ANOS1: variants seen among roughly 807,000 people sequenced by gnomAD.
ANOS1 encodes the protein anosmin 1, also known as anosmin-1.
Under a neutral mutation model 59.0 loss-of-function variants are expected in ANOS1, and 6 were observed. The observed-to-expected ratio is 0.10, with a 90% CI of 0.06 to 0.20. The LOEUF is 0.20. ANOS1 is among the 10% of genes least tolerant of loss of function. The pLI is 1.00. For missense variants in ANOS1, 433 were observed against 542.3 expected (o/e 0.80, Z 2.00); for synonymous variants, 217 against 223.4 (o/e 0.97, Z 0.25).
At chrX:8,657,660 G>A (rs1344156411) in intron 2 of ANOS1, among the ~76,000 whole-genome samples, 1 of 109,471 alleles carries the variant, frequency 9.1e-6, no homozygotes, top group African/African-American at 3.3e-5. Context: ...GTAGAGATGG[G>A]GTTTTACCAT....
intron 1 of ANOS1, among the ~76,000 whole-genome samples, chrX:8,707,822 T>C (rs959883949): frequency 8.9e-6 from 1 of 112,269 alleles, no homozygotes; most frequent in Non-Finnish European, 1.9e-5. Context: ...GCATTATAAC[T>C]TTGATATACT....
At chrX:8,574,431 T>G (rs1443098763) in intron 6 of ANOS1, among the ~76,000 whole-genome samples, 1 of 109,031 alleles carries the variant, frequency 9.2e-6, no homozygotes, top group Admixed American at 9.8e-5. Context: ...GTGTTGATCT[T>G]GGGTATGTCT....
intron 2 of ANOS1, among the ~76,000 whole-genome samples, chrX:8,629,695 C>T (rs76380902): frequency 0.1 from 11,214 of 111,537 alleles, 790 homozygotes; most frequent in South Asian, 0.24. Flanking sequence ...TGAATCACCA[C>T]CTGGCCAGTT....
At chrX:8,615,776 T>C (rs1435930274) in intron 3 of ANOS1, among the ~76,000 whole-genome samples, 1 of 110,893 alleles carries the variant, frequency 9.0e-6, no homozygotes, top group East Asian at 2.9e-4. Context: ...CATGTATCCA[T>C]GAATTCTCAT....
chrX:8,612,094 AC>A (rs1379847381), intron 3 of ANOS1, among the ~76,000 whole-genome samples: 1 of 111,846 alleles, frequency 8.9e-6, no homozygotes, highest in Non-Finnish European at 1.9e-5. Flanking sequence ...TTCATATTAT[AC>A]ATGAAGTCAT....
At chrX:8,535,386 G>A (rs756020266) in intron 12 of ANOS1, 4 of 448,646 alleles carry the variant, frequency 8.9e-6, no homozygotes, top group Admixed American at 3.8e-5. Flanking sequence ...ACTTTATCTA[G>A]ATGGCAGCTT....
chrX:8,725,623 CAGATAT>C lies in ANOS1; in HGVS notation c.207+6201_207+6206del, dbSNP rs1277967708. 1.0e-3 allele frequency among the ~76,000 whole-genome samples: 33 copies of C among 32,128 alleles called. 2 individuals are homozygous for C. The highest frequency in any genetic ancestry group is 2.6e-3 in the Admixed American group (7 of 2,665). 27.9% of individuals were successfully genotyped at this position (32,128 alleles called of 115,157 possible). ...ATATATATACAGATATATATATATA[CAGATAT>C]ATATATACAGATATATATACAGATA... On this transcript the variant is annotated intron_variant, in intron 1 of 13. Coordinates refer to ENST00000262648, the MANE Select transcript of ANOS1 (RefSeq NM_000216.4).
chrX:8,706,510 T>C (rs1005182097), intron 1 of ANOS1, among the ~76,000 whole-genome samples: 1 of 112,053 alleles, frequency 8.9e-6, no homozygotes, highest in Admixed American at 9.5e-5. Context: ...CCATAGACCA[T>C]ACAACACCAA....
At chrX:8,550,778 G>GA (rs1307132205) in intron 9 of ANOS1, among the ~76,000 whole-genome samples, 85 of 97,567 alleles carry the variant, frequency 8.7e-4, no homozygotes, top group South Asian at 9.1e-4. Flanking sequence ...AGATCAGAAG[G>GA]AAAAAAAAAA....
At chrX:8,642,445 A>G (rs1015614941) in intron 2 of ANOS1, among the ~76,000 whole-genome samples, 1 of 111,177 alleles carries the variant, frequency 9.0e-6, no homozygotes, top group Non-Finnish European at 1.9e-5. Context: ...AATTCTGCTG[A>G]TAATTGCAAG....
intron 8 of ANOS1, among the ~76,000 whole-genome samples, chrX:8,559,402 A>G (rs1929997898): frequency 9.0e-6 from 1 of 111,575 alleles, no homozygotes; most frequent in South Asian, 3.8e-4. Context: ...GTAGGACACC[A>G]CAAAACTGAA....
At chrX:8,570,140 C>CA (rs34481364) in intron 7 of ANOS1, among the ~76,000 whole-genome samples, 4,598 of 73,680 alleles carry the variant, frequency 0.062, 137 homozygotes, top group African/African-American at 0.069. Context: ...CTCTCTCTCT[C>CA]AAAAAAAAAA....
chrX:8,679,417 T>G (rs1932385520), intron 2 of ANOS1, among the ~76,000 whole-genome samples: 1 of 110,275 alleles, frequency 9.1e-6, no homozygotes, highest in Non-Finnish European at 1.9e-5. Context: ...ATAATTACAT[T>G]GATTTTCTTT....
intron 9 of ANOS1, among the ~76,000 whole-genome samples, chrX:8,549,278 G>A (rs747204071): frequency 2.1e-4 from 23 of 112,144 alleles, no homozygotes; most frequent in Non-Finnish European, 4.1e-4. Flanking sequence ...AAAGTAATAC[G>A]TGTGTATATA....
chrX:8,676,755 TA>T (rs1361982246), intron 2 of ANOS1, among the ~76,000 whole-genome samples: 1 of 112,093 alleles, frequency 8.9e-6, no homozygotes, highest in Non-Finnish European at 1.9e-5. Flanking sequence ...TTCTCTGTTT[TA>T]CAGTGTTACA....
At chrX:8,635,108 C>T (rs1452206637) in intron 2 of ANOS1, among the ~76,000 whole-genome samples, 2 of 110,865 alleles carry the variant, frequency 1.8e-5, no homozygotes, top group African/African-American at 6.6e-5. Context: ...TCCCAATTGT[C>T]CTTCCTCTCT....
At chrX:8,703,852 G>A (rs1932768253) in intron 1 of ANOS1, among the ~76,000 whole-genome samples, 1 of 111,556 alleles carries the variant, frequency 9.0e-6, no homozygotes, top group Admixed American at 9.6e-5. Context: ...AAATATCAGA[G>A]AGTTAATTAA....
chrX:8,728,514 TG>T (rs1932940255), intron 1 of ANOS1, among the ~76,000 whole-genome samples: 1 of 111,762 alleles, frequency 8.9e-6, no homozygotes, highest in Non-Finnish European at 1.9e-5. Context: ...CTACAGAGCC[TG>T]GGTGTAGAGC....
chrX:8,622,334 A>G (rs1931307899), intron 3 of ANOS1, among the ~76,000 whole-genome samples: 1 of 112,145 alleles, frequency 8.9e-6, no homozygotes, highest in South Asian at 3.7e-4. Context: ...AAGGTCAAGT[A>G]AGATTATGAA....
Sources: gnomAD v4.1 joint callset for allele counts (sites outside exome capture counted in the v4.1 genomes callset) on GRCh38, gnomAD v4.1.1 for gene constraint, MANE v1.5 for transcripts, NCBI Gene and HGNC (gene_info 2026-07-23, HGNC 2026-07-21) for gene names.